The following STK33 variants were observed in gnomAD, a reference collection of about 807,000 sequenced individuals.
STK33 encodes serine/threonine kinase 33.
A neutral mutation model predicts 58.0 loss-of-function variants in STK33; 52 were observed. The ratio of observed to expected loss-of-function variants is 0.90; its 90% confidence interval spans 0.72 to 1.13. The LOEUF (loss-of-function observed/expected upper bound fraction) is 1.13. Ranked by LOEUF, STK33 falls within the 50% of genes most tolerant of loss-of-function variation. The pLI is 0.00. For missense variants in STK33, 630 were observed against 604.2 expected, an observed-to-expected ratio of 1.04 and a Z score of -0.45; for synonymous variants, 215 against 200.1, an observed-to-expected ratio of 1.07 and a Z score of -0.63.
chr11:8,394,374 T>C (rs1848996545), intron 15 of STK33, among the ~76,000 whole-genome samples: 1 of 152,230 alleles, frequency 6.6e-6, no homozygotes, highest in African/African-American at 2.4e-5. Context: ...AAAAGGTGAA[T>C]CTAAGTGTAA....
At chr11:8,520,831 A>C (rs1490494798) in intron 1 of STK33, among the ~76,000 whole-genome samples, 1 of 152,148 alleles carries the variant, frequency 6.6e-6, no homozygotes, top group Non-Finnish European at 1.5e-5. Flanking sequence ...ACCACTGCTC[A>C]ATGAAATAAA....
intron 11 of STK33, among the ~76,000 whole-genome samples, chr11:8,449,749 T>G (rs553123709): frequency 6.6e-6 from 1 of 152,164 alleles, no homozygotes; most frequent in East Asian, 1.9e-4. Flanking sequence ...CTGCACGTTG[T>G]GCACATGTAC....
intron 1 of STK33, among the ~76,000 whole-genome samples, chr11:8,549,245 C>A (rs1404030189): frequency 6.6e-6 from 1 of 151,998 alleles, no homozygotes; most frequent in African/African-American, 2.4e-5. Flanking sequence ...AATTTTTATT[C>A]TTGATTCTGT....
intron 1 of STK33, among the ~76,000 whole-genome samples, chr11:8,593,180 G>A (rs2141654854): frequency 6.6e-6 from 1 of 152,256 alleles, no homozygotes; most frequent in South Asian, 2.1e-4. Flanking sequence ...TTAAATGCGC[G>A]ATATATCTGC....
At chr11:8,499,771 G>A (rs1328722971) in intron 1 of STK33, among the ~76,000 whole-genome samples, 2 of 152,142 alleles carry the variant, frequency 1.3e-5, no homozygotes, top group African/African-American at 4.8e-5. Context: ...TCCTTTGCAG[G>A]GACATGGATG....
At chr11:8,477,437 T>C (rs949117381) in intron 2 of STK33, among the ~76,000 whole-genome samples, 154 bp from the exon 3 acceptor site, 1 of 152,144 alleles carries the variant, frequency 6.6e-6, no homozygotes, top group Non-Finnish European at 1.5e-5. Context: ...GTCAGATGTG[T>C]AAAACATCAT....
intron 1 of STK33, among the ~76,000 whole-genome samples, chr11:8,563,005 T>C (rs907726609): frequency 2.0e-5 from 3 of 152,144 alleles, no homozygotes; most frequent in Non-Finnish European, 1.5e-5. Context: ...ATTAGATTAT[T>C]CTAGCTAAAG....
chr11:8,499,019 C>T (rs569757715), intron 1 of STK33, among the ~76,000 whole-genome samples: 25 of 152,180 alleles, frequency 1.6e-4, no homozygotes, highest in Admixed American at 9.2e-4. Flanking sequence ...GACATAGGCA[C>T]GGGCAAAGAA....
At position 8,451,252 on chromosome 11, in the gene STK33, AACCACATACCCTCACAAAG is replaced by A. The variant is rs1192154530; in HGVS notation, c.871+1551_871+1569del. On this transcript the variant is annotated intron_variant, in intron 11 of 15. Coordinates refer to ENST00000687296, the MANE Select transcript of STK33 (RefSeq NM_001352389.2). ...TAATTCTAAAAATACTTCTAAATGA[AACCACATACCCTCACAAAG>A]ACCTGTACATGAATATTCATAGCAG... is the stretch of plus-strand genomic sequence containing the variant. Among the ~76,000 whole-genome samples the A allele has an allele frequency of 3.3e-5, 5 of 152,312 alleles. No homozygotes were observed. The East Asian group carries it at 9.6e-4, about 29-fold the overall frequency.
chr11:8,437,202 G>A (rs1374262), intron 12 of STK33, among the ~76,000 whole-genome samples: 80,526 of 152,068 alleles, frequency 0.53, 21,518 homozygotes, highest in South Asian at 0.64. Flanking sequence ...TGTATAAAGT[G>A]AACATGGACT....
intron 14 of STK33, among the ~76,000 whole-genome samples, chr11:8,417,012 T>G (rs888400148): frequency 2.0e-5 from 3 of 152,154 alleles, no homozygotes; most frequent in African/African-American, 7.2e-5. Context: ...CAATGTATCA[T>G]GAGCCTTCTA....
At chr11:8,515,571 G>A (rs942366945) in intron 1 of STK33, among the ~76,000 whole-genome samples, 7 of 152,146 alleles carry the variant, frequency 4.6e-5, no homozygotes, top group Non-Finnish European at 1.0e-4. Context: ...GAATACAGAT[G>A]TAAAAATTCT....
chr11:8,437,187 C>T lies in STK33; in HGVS notation c.948-1048G>A, dbSNP rs184878088. 3.0e-3 allele frequency among the ~76,000 whole-genome samples: 463 copies of T among 152,298 alleles called. 1 individual carries two copies. The highest frequency in any genetic ancestry group is 2.7e-3 in the Admixed American group (41 of 15,286). On this transcript the variant is annotated intron_variant, in intron 12 of 15. Transcript: ENST00000687296. The stretch of plus-strand genomic sequence containing the variant: ...TGACCAACATCAGTAAAACCATGAG[C>T]ACTGTGTATAAAGTGAACATGGACT...
chr11:8,457,501 A>G (rs759956772), intron 8 of STK33, 22 bp from the exon 9 acceptor site: 1 of 1,545,584 alleles, frequency 6.5e-7, no homozygotes, highest in Non-Finnish European at 8.8e-7. Context: ...TATATAAAAG[A>G]GAGAGAGAGC....
chr11:8,429,624 C>T lies in STK33; in HGVS notation c.1146+5870G>A, dbSNP rs548107740. ...ACTTCAGTTCTCCGGTTTCTGCTTG[C>T]CACCACGACAACCATATCACACACT... On this transcript the variant is annotated intron_variant, in intron 14 of 15. Transcript: ENST00000687296. Among the ~76,000 whole-genome samples, 4 of 152,232 alleles carry T rather than the reference C, an allele frequency of 2.6e-5. No homozygotes were observed. In the East Asian group the frequency reaches 7.7e-4, roughly 29 times the overall value.
intron 1 of STK33, among the ~76,000 whole-genome samples, chr11:8,498,986 A>G (rs1246086304): frequency 6.6e-6 from 1 of 152,250 alleles, no homozygotes; most frequent in Non-Finnish European, 1.5e-5. Flanking sequence ...CCCCTAGAAG[A>G]AAACCTAGCC....
At chr11:8,411,370 G>A (rs1816231096) in intron 15 of STK33, among the ~76,000 whole-genome samples, 1 of 152,220 alleles carries the variant, frequency 6.6e-6, no homozygotes, top group African/African-American at 2.4e-5. Context: ...ATGAGGAGAT[G>A]CAGACTGCAT....
chr11:8,370,746 G>A, the STK33 span, among the ~76,000 whole-genome samples: 1 of 152,032 alleles, frequency 6.6e-6, no homozygotes, highest in Non-Finnish European at 1.5e-5. Flanking sequence ...CCGGGCAAGA[G>A]TGTCACACCC....
At chr11:8,557,811 T>C (rs1956869508) in intron 1 of STK33, among the ~76,000 whole-genome samples, 1 of 151,964 alleles carries the variant, frequency 6.6e-6, no homozygotes, top group Admixed American at 6.6e-5. Flanking sequence ...AAATAATAAA[T>C]ACTTGGTTTT....
Sources: allele counts gnomAD v4.1 joint callset (sites outside exome capture counted in the v4.1 genomes callset), GRCh38; gene constraint gnomAD v4.1.1; transcripts MANE v1.5; gene names NCBI Gene and HGNC (gene_info 2026-07-23, HGNC 2026-07-21).